Variants in ETV6 observed in about 807,000 individuals in gnomAD.
The protein encoded by ETV6 is ETS variant transcription factor 6.
A neutral mutation model predicts 51.1 loss-of-function variants in ETV6; 16 were observed. The observed-to-expected ratio is 0.31, with a 90% CI of 0.21 to 0.48. The LOEUF (loss-of-function observed/expected upper bound fraction) is 0.48. Ranked by LOEUF, ETV6 falls within the 20% of genes least tolerant of loss-of-function variation. The probability of loss-of-function intolerance (pLI) is 0.99; values close to 1 mark genes in which losing one functional copy is unlikely to be tolerated. For synonymous variants in ETV6, 240 were observed against 224.1 expected, an observed-to-expected ratio of 1.07 and a Z score of -0.64; for missense variants, 458 against 594.8, an observed-to-expected ratio of 0.77 and a Z score of 2.39.
At chr12:11,665,300 A>G (rs1591594651) in intron 1 of ETV6, among the ~76,000 whole-genome samples, 1 of 152,206 alleles carries the variant, frequency 6.6e-6, no homozygotes, top group Non-Finnish European at 1.5e-5. Flanking sequence ...TGCCCATCCC[A>G]TGTAACAAAC....
chr12:11,662,238 G>A (rs752267225), intron 1 of ETV6, among the ~76,000 whole-genome samples: 2 of 152,122 alleles, frequency 1.3e-5, no homozygotes, highest in Non-Finnish European at 2.9e-5. Context: ...TGTGGGATAA[G>A]GCCCCAGAGT....
At chr12:11,815,020 AAC>A (rs1945970734) in intron 2 of ETV6, among the ~76,000 whole-genome samples, 2 of 152,186 alleles carry the variant, frequency 1.3e-5, no homozygotes. Context: ...CAGAGGCCCT[AAC>A]ACAACAGAAA....
Position 11,752,504 on chromosome 12 carries a change from T to C in ETV6, c.88T>C (p.Ser30Pro). Residue 30 changes from serine (S) to proline (P), a missense_variant, in exon 2 of 8, where the codon TCG (serine) becomes CCG (proline). Coordinates refer to ENST00000396373, the MANE Select transcript of ETV6 (RefSeq NM_001987.5). The part of the protein sequence containing the change: ...PESPVPSYAS[S>P]TPLHVPVPRA... ...GAGCCCAGTGCCGAGTTACGCTTCCTCGACGCCACTTCATGTTCCAGTGCC... is the reference window on the plus strand; with the variant it reads ...GAGCCCAGTGCCGAGTTACGCTTCCCCGACGCCACTTCATGTTCCAGTGCC... 2 of 1,614,078 alleles carry C rather than the reference T, an allele frequency of 1.2e-6. No homozygotes were observed. The highest frequency in any genetic ancestry group is 3.3e-4 in the Middle Eastern group (2 of 6,062).
chr12:11,792,966 G>A (rs796071478), intron 2 of ETV6, among the ~76,000 whole-genome samples: 20 of 152,140 alleles, frequency 1.3e-4, no homozygotes, highest in African/African-American at 4.6e-4. Flanking sequence ...TAGTTAGGGG[G>A]CTACGGGAGG....
chr12:11,687,204 T>TTTCTG (rs1264614968), intron 1 of ETV6, among the ~76,000 whole-genome samples: 7 of 143,380 alleles, frequency 4.9e-5, no homozygotes, highest in Non-Finnish European at 7.6e-5. Flanking sequence ...CCCCACCTTT[T>TTTCTG]TTCTGTTCTT....
intron 4 of ETV6, among the ~76,000 whole-genome samples, chr12:11,861,843 G>A (rs1946723223): frequency 6.6e-6 from 1 of 152,144 alleles, no homozygotes; most frequent in Admixed American, 6.5e-5. Flanking sequence ...ACATGATTGA[G>A]AGGATTACCC....
intron 1 of ETV6, among the ~76,000 whole-genome samples, chr12:11,724,270 T>C (rs1478108393): frequency 6.6e-6 from 1 of 152,214 alleles, no homozygotes; most frequent in Admixed American, 6.5e-5. Context: ...GTTTAAGGTT[T>C]CCATGCGCAG....
At chr12:11,727,913 G>A (rs996770596) in intron 1 of ETV6, among the ~76,000 whole-genome samples, 7 of 152,032 alleles carry the variant, frequency 4.6e-5, no homozygotes, top group East Asian at 3.9e-4. Context: ...TCTACCTCCC[G>A]GGCTCAAGCA....
chr12:11,665,608 G>A (rs768496644), intron 1 of ETV6, among the ~76,000 whole-genome samples: 72 of 152,186 alleles, frequency 4.7e-4, no homozygotes, highest in Non-Finnish European at 8.4e-4. Context: ...TAATCAGTAG[G>A]TATTTATTAA....
intron 3 of ETV6, among the ~76,000 whole-genome samples, chr12:11,845,940 C>T (rs1236328195): frequency 4.0e-5 from 6 of 149,848 alleles, no homozygotes; most frequent in African/African-American, 9.9e-5. Context: ...TGCAGTGAGC[C>T]GAGATCACGC....
At chr12:11,650,487 A>AAAAC (rs1863876927) in intron 1 of ETV6, among the ~76,000 whole-genome samples, 3 of 61,146 alleles carry the variant, frequency 4.9e-5, no homozygotes, top group Non-Finnish European at 1.1e-4. Context: ...CGCTTAAAAA[A>AAAAC]AAAAAAAACA....
rs775985424 is a variant in ETV6 at position 11,752,349 on chromosome 12, C to T, written c.34-101C>T. On this transcript the variant is annotated intron_variant, in intron 1 of 7. Coordinates refer to ENST00000396373, the MANE Select transcript of ETV6 (RefSeq NM_001987.5). ...TGGGAAGCTGGTACTGCCCATGCCC[C>T]GCCTCCCTTTTGCTCCCCACCCCGA... The T allele has an allele frequency of 7.0e-5, 90 of 1,281,882 alleles. 1 individual carries two copies. Among genetic ancestry groups the T allele is most frequent in the South Asian group, 1.5e-4 (11 of 74,444 alleles). 79.4% of individuals were successfully genotyped at this position (1,281,882 alleles called of 1,614,324 possible). A position where few individuals can be genotyped will look rare whatever the true frequency, so the allele number is the denominator to read the frequency against.
intron 3 of ETV6, 144 bp downstream of exon 3, chr12:11,839,448 A>C: frequency 1.2e-6 from 1 of 832,900 alleles, no homozygotes; most frequent in Non-Finnish European, 1.9e-6. Context: ...AGTTGAAGGA[A>C]GATTATGCTA....
intron 1 of ETV6, among the ~76,000 whole-genome samples, chr12:11,650,635 A>G (rs1434099151): frequency 6.6e-6 from 1 of 152,046 alleles, no homozygotes; most frequent in Admixed American, 6.6e-5. Flanking sequence ...TTATTTTTTT[A>G]AAGGACTCTC....
rs2136595129 is a variant in ETV6, at chr12:11,884,446, C to G, written c.1011C>G (p.Asp337Glu). ...EHAMPIGRIA[D>E]CRLLWDYVYQ... ...TTTTCTTGCCCTTTTCCTCTGTAGACTGTAGACTGCTTTGGGATTACGTCT... is the reference window on the plus strand; with the variant it reads ...TTTTCTTGCCCTTTTCCTCTGTAGAGTGTAGACTGCTTTGGGATTACGTCT... The change falls in exon 6 of 8, where the codon GAC becomes GAG. Residue 337 changes from aspartate to glutamate, a missense_variant and splice_region_variant. Asp to Glu is a conservative substitution (Grantham distance 45). Coordinates refer to ENST00000396373, the MANE Select transcript of ETV6 (RefSeq NM_001987.5). 3.7e-6 allele frequency: 6 copies of G among 1,614,222 alleles called. No individual in the cohort carries two copies. Among genetic ancestry groups the G allele is most frequent in the Non-Finnish European group, 5.1e-6 (6 of 1,180,034 alleles).
intron 1 of ETV6, among the ~76,000 whole-genome samples, chr12:11,695,365 A>G (rs967503598): frequency 9.2e-5 from 14 of 152,240 alleles, no homozygotes; most frequent in Non-Finnish European, 2.1e-4. Flanking sequence ...CATTGCTGTT[A>G]GGAAGGGAAT....
chr12:11,875,669 A>G (rs1309873986), intron 5 of ETV6, among the ~76,000 whole-genome samples: 1 of 152,222 alleles, frequency 6.6e-6, no homozygotes, highest in African/African-American at 2.4e-5. Flanking sequence ...TGAGATTGAG[A>G]CACATCAAGA....
intron 1 of ETV6, among the ~76,000 whole-genome samples, chr12:11,728,189 G>C (rs926634434): frequency 2.0e-5 from 3 of 152,206 alleles, no homozygotes; most frequent in Admixed American, 1.3e-4. Context: ...TCTGTCACCT[G>C]TCTACTCCTT....
chr12:11,843,849 T>C (rs1317994199), intron 3 of ETV6, among the ~76,000 whole-genome samples: 3 of 152,128 alleles, frequency 2.0e-5, no homozygotes, highest in Non-Finnish European at 4.4e-5. Context: ...AACCAGAAGA[T>C]TTCAAGGTTG....
Sources: gnomAD v4.1 joint callset for allele counts (sites outside exome capture counted in the v4.1 genomes callset) on GRCh38, gnomAD v4.1.1 for gene constraint, MANE v1.5 for transcripts, NCBI Gene and HGNC (gene_info 2026-07-23, HGNC 2026-07-21) for gene names.